The following DCHS2 variants were observed in gnomAD, a reference collection of about 807,000 sequenced individuals.
DCHS2 encodes the protein protocadherin-23.
Under a neutral mutation model 182.4 loss-of-function variants are expected in DCHS2, and 142 were observed. The observed-to-expected ratio is 0.78, with a 90% CI of 0.68 to 0.89. DCHS2 has a LOEUF of 0.89. DCHS2 is among the 40% of genes least tolerant of loss of function. The pLI is 0.00. For missense variants in DCHS2, 4,319 were observed against 4,198.6 expected (o/e 1.03, Z -0.79); for synonymous variants, 1,740 against 1,663.3 (o/e 1.05, Z -1.12).
At position 154,366,444 on chromosome 4, in the gene DCHS2, G is replaced by T; in HGVS notation, c.2245-3C>A. ...AAGGCTTGGGCACTTAGCCCACCCT[G>T]GTGGATGAATGAGTGGTGATTACAA... On this transcript the variant is annotated splice_polypyrimidine_tract_variant and splice_region_variant and intron_variant, in intron 2 of 19. Transcript: ENST00000357232. 1 of 1,605,784 alleles carries T rather than the reference G, an allele frequency of 6.2e-7. No individual in the cohort carries two copies. Among genetic ancestry groups the T allele is most frequent in the Non-Finnish European group, 8.5e-7 (1 of 1,173,644 alleles).
chr4:154,273,014 C>T (rs567805587), intron 13 of DCHS2, among the ~76,000 whole-genome samples: 3 of 152,002 alleles, frequency 2.0e-5, no homozygotes, highest in Non-Finnish European at 2.9e-5. Flanking sequence ...TAAACTAGTA[C>T]GACGACTATG....
At chr4:154,302,847 T>C (rs1336831243) in intron 12 of DCHS2, among the ~76,000 whole-genome samples, 1 of 106,900 alleles carries the variant, frequency 9.4e-6, no homozygotes, top group Non-Finnish European at 2.2e-5. Context: ...TACACACATA[T>C]ATGAAATATA....
At chr4:154,378,729 C>G (rs1214582341) in intron 1 of DCHS2, among the ~76,000 whole-genome samples, 3 of 152,170 alleles carry the variant, frequency 2.0e-5, no homozygotes, top group Non-Finnish European at 4.4e-5. Flanking sequence ...AGTGTCAAAA[C>G]TGAAATTCTT....
intron 14 of DCHS2, among the ~76,000 whole-genome samples, chr4:154,266,924 T>C (rs192708832): frequency 4.2e-4 from 64 of 152,312 alleles, no homozygotes; most frequent in African/African-American, 1.5e-3. Flanking sequence ...ACAATTCTCA[T>C]TGGCCTTCAA....
chr4:154,331,346 G>A (rs761651936), intron 5 of DCHS2, among the ~76,000 whole-genome samples: 5 of 152,108 alleles, frequency 3.3e-5, no homozygotes, highest in Admixed American at 6.5e-5. Flanking sequence ...GGAAGATCAC[G>A]GGGGAATCAA....
chr4:154,284,005 G>A (rs1578910047), intron 13 of DCHS2, among the ~76,000 whole-genome samples: 8 of 152,164 alleles, frequency 5.3e-5, no homozygotes, highest in Admixed American at 5.2e-4. Flanking sequence ...CTCAACTTTG[G>A]TTTTGAGATA....
At chr4:154,370,188 C>T (rs1361812343) in intron 2 of DCHS2, among the ~76,000 whole-genome samples, 1 of 152,060 alleles carries the variant, frequency 6.6e-6, no homozygotes, top group Admixed American at 6.5e-5. Context: ...TGTGACATCA[C>T]CAAATCCAAG....
chr4:154,472,940 C>G (rs930195634), intron 1 of DCHS2, among the ~76,000 whole-genome samples: 1 of 152,104 alleles, frequency 6.6e-6, no homozygotes, highest in African/African-American at 2.4e-5. Context: ...TAAGTACCAG[C>G]CAACTCATTT....
intron 1 of DCHS2, among the ~76,000 whole-genome samples, chr4:154,405,850 C>T (rs762161299): frequency 3.2e-4 from 48 of 152,250 alleles, no homozygotes; most frequent in Non-Finnish European, 5.4e-4. Context: ...CTTAACATGT[C>T]TCGTAAGTTT....
intron 17 of DCHS2, among the ~76,000 whole-genome samples, chr4:154,241,260 G>A (rs1731810949): frequency 6.6e-6 from 1 of 151,850 alleles, no homozygotes; most frequent in Admixed American, 6.6e-5. Flanking sequence ...TAAATATTTG[G>A]GCACTAATGT....
intron 1 of DCHS2, among the ~76,000 whole-genome samples, chr4:154,428,364 A>AC (rs902437717): frequency 1.2e-4 from 18 of 151,892 alleles, no homozygotes; most frequent in African/African-American, 2.4e-4. Flanking sequence ...ACACAGTGAG[A>AC]CCCCCCATCT....
At chr4:154,317,212 C>A (rs181812647) in intron 9 of DCHS2, among the ~76,000 whole-genome samples, 60 of 152,332 alleles carry the variant, frequency 3.9e-4, no homozygotes, top group Non-Finnish European at 2.4e-4. Context: ...ACAGTCACTG[C>A]AATTACTCAA....
rs779525868 is a variant in DCHS2 at position 154,240,789 on chromosome 4, T to C, written c.7107A>G (p.Ser2369=). 1 of 1,613,822 alleles carries C rather than the reference T, an allele frequency of 6.2e-7. No individual in the cohort carries two copies. Among genetic ancestry groups the C allele is most frequent in the Admixed American group, 1.7e-5 (1 of 59,988 alleles). ...CTGAATTCAAATCCACATCATGAAC[T>C]GACACATGAGTCACAATTACACCAG... ...SLPGVIVTHV[S]VHDVDLNSAF... is the part of the protein sequence containing the mutation. The change falls in exon 18 of 20, where the codon TCA becomes TCG. Residue 2369 remains serine, a synonymous_variant. Transcript: ENST00000357232.
chr4:154,360,674 A>G (rs899878073), intron 3 of DCHS2, among the ~76,000 whole-genome samples: 3 of 152,170 alleles, frequency 2.0e-5, no homozygotes, highest in East Asian at 1.9e-4. Flanking sequence ...GCATAAAACT[A>G]ACATTGGAAA....
intron 2 of DCHS2, among the ~76,000 whole-genome samples, chr4:154,368,021 G>T (rs990533184): frequency 1.3e-5 from 2 of 152,164 alleles, no homozygotes; most frequent in South Asian, 4.1e-4. Flanking sequence ...CATGTTCTGA[G>T]TTGAATAAAG....
chr4:154,457,703 A>G lies in DCHS2; in HGVS notation c.2052+31601T>C, dbSNP rs547886442. Among the ~76,000 whole-genome samples, 55 of 152,326 alleles carry G rather than the reference A, an allele frequency of 3.6e-4. No individual in the cohort carries two copies. The South Asian group carries it at 4.3e-3, about 12-fold the overall frequency. ...GAGCTGAATTGACAAGTGATACCCAATTACAGTAATTATTCTAGGGTCCAC... is the reference window on the plus strand; with the variant it reads ...GAGCTGAATTGACAAGTGATACCCAGTTACAGTAATTATTCTAGGGTCCAC... On this transcript the variant is annotated intron_variant, in intron 1 of 19. Coordinates refer to ENST00000357232, the MANE Select transcript of DCHS2 (RefSeq NM_001358235.2).
At chr4:154,423,732 T>C (rs1733204189) in intron 1 of DCHS2, among the ~76,000 whole-genome samples, 1 of 152,226 alleles carries the variant, frequency 6.6e-6, no homozygotes, top group Non-Finnish European at 1.5e-5. Flanking sequence ...GTTATACAAC[T>C]CTGTACGCTT....
At chr4:154,410,974 G>T (rs1007090428) in intron 1 of DCHS2, among the ~76,000 whole-genome samples, 3 of 152,120 alleles carry the variant, frequency 2.0e-5, no homozygotes, top group African/African-American at 7.2e-5. Context: ...GATGTTATAC[G>T]CAAAATGCTA....
intron 1 of DCHS2, among the ~76,000 whole-genome samples, chr4:154,403,165 C>A (rs1034517439): frequency 2.0e-5 from 3 of 151,880 alleles, no homozygotes; most frequent in Non-Finnish European, 4.4e-5. Flanking sequence ...CTTTTCCTTG[C>A]CTTACTATTC....
Sources: allele counts gnomAD v4.1 joint callset (sites outside exome capture counted in the v4.1 genomes callset), GRCh38; gene constraint gnomAD v4.1.1; transcripts MANE v1.5; gene names NCBI Gene and HGNC (gene_info 2026-07-23, HGNC 2026-07-21).